Variants in USP15 observed in about 807,000 individuals in gnomAD.
USP15 encodes ubiquitin specific peptidase 15, also known as ubiquitin carboxyl-terminal hydrolase 15.
A neutral mutation model predicts 127.1 loss-of-function variants in USP15; 18 were observed. The ratio of observed to expected loss-of-function variants is 0.14; its 90% CI spans 0.10 to 0.21. The LOEUF is 0.21. Among genes scored for constraint, USP15 ranks in the 10% least tolerant of loss-of-function variants. USP15 has a pLI of 1.00. For missense variants in USP15, 805 were observed against 1,159.9 expected (o/e 0.69, Z 4.44); for synonymous variants, 364 against 393.7 (o/e 0.92, Z 0.89).
Position 62,410,961 on chromosome 12 carries a change from A to G in USP15, c.*6586A>G, listed in dbSNP as rs2068026087. The G allele has an allele frequency of 6.6e-6, 1 of 152,112 alleles. No homozygotes were observed. The highest frequency in any genetic ancestry group is 1.5e-5 in the Non-Finnish European group (1 of 68,026). The allele number at this position is 152,112 out of a possible 1,614,324, so 9.4% of individuals were successfully genotyped here. A position where few individuals can be genotyped will look rare whatever the true frequency, so the allele number is the denominator to read the frequency against. On this transcript the variant is annotated 3_prime_UTR_variant, in exon 22 of 22. Coordinates refer to ENST00000280377, the MANE Select transcript of USP15 (RefSeq NM_001252078.2). ...ATTTTATCAGGGATATTAGAATCCA[A>G]TTATATGAGACTGCATCCTCAACAG...
Position 62,405,680 on chromosome 12 carries a change from C to T in USP15, c.*1305C>T, listed in dbSNP as rs1167624517. On this transcript the variant is annotated 3_prime_UTR_variant, in exon 22 of 22. Transcript: ENST00000280377. ...AAAACCTAAATGCTGGGGCACATTT[C>T]ACATATCGACTACCTGAGAAATTGC... 1 of 152,526 alleles carries T rather than the reference C, an allele frequency of 6.6e-6. No individual in the cohort carries two copies. The highest frequency in any genetic ancestry group is 2.4e-5 in the African/African-American group (1 of 41,432). The allele number at this position is 152,526 out of a possible 1,614,324, so 9.4% of individuals were successfully genotyped here. A position where few individuals can be genotyped will look rare whatever the true frequency, so the allele number is the denominator to read the frequency against.
Position 62,404,342 on chromosome 12 carries a change from T to TA in USP15, c.2914dup (p.Ile972AsnfsTer4). 1 of 1,611,754 alleles carries TA rather than the reference T, an allele frequency of 6.2e-7. No homozygotes were observed. ...AAGATAGCAATGATAATGACAATGA[T>TA]ATAGAAAATGAAAACTGTATGCACA... is the stretch of plus-strand genomic sequence containing the variant. On this transcript the variant is annotated frameshift_variant, in exon 22 of 22. Coordinates refer to ENST00000280377, the MANE Select transcript of USP15 (RefSeq NM_001252078.2). LOFTEE classifies it high-confidence loss of function.
chr12:62,396,573 G>A (rs916315093), intron 20 of USP15, among the ~76,000 whole-genome samples, 175 bp downstream of exon 20: 1 of 151,388 alleles, frequency 6.6e-6, no homozygotes, highest in African/African-American at 2.4e-5. Flanking sequence ...TTTCACATAG[G>A]GTATAGAGAA....
intron 6 of USP15, chr12:62,336,251 T>A: frequency 1.7e-5 from 17 of 985,406 alleles, no homozygotes; most frequent in Non-Finnish European, 1.9e-5. Flanking sequence ...TAGACCACTT[T>A]TCTGAATTCC....
chr12:62,335,495 T>A (rs767400804), intron 6 of USP15: 53 of 1,201,344 alleles, frequency 4.4e-5, no homozygotes, highest in Non-Finnish European at 5.1e-5. Context: ...CCTGTAGTAT[T>A]TATCTCAATG....
chr12:62,322,545 T>G (rs1370905521), intron 5 of USP15, among the ~76,000 whole-genome samples: 1 of 152,210 alleles, frequency 6.6e-6, no homozygotes, highest in African/African-American at 2.4e-5. Flanking sequence ...TGCTCCATTC[T>G]CAGCCCTTAT....
chr12:62,375,218 G>A (rs1022048277), intron 8 of USP15, among the ~76,000 whole-genome samples: 1 of 151,882 alleles, frequency 6.6e-6, no homozygotes, highest in Non-Finnish European at 1.5e-5. Context: ...TTTTCCTTAC[G>A]GATTTATCTT....
chr12:62,283,756 A>AC (rs2063717314), intron 1 of USP15, among the ~76,000 whole-genome samples: 1 of 152,198 alleles, frequency 6.6e-6, no homozygotes, highest in Non-Finnish European at 1.5e-5. Flanking sequence ...CAGCCTGGCT[A>AC]AGATGGCAAA....
intron 6 of USP15, among the ~76,000 whole-genome samples, chr12:62,334,870 T>C (rs898954839): frequency 1.3e-5 from 2 of 152,210 alleles, no homozygotes; most frequent in South Asian, 2.1e-4. Context: ...AAGCAAGTTA[T>C]GTTTTTCTAT....
chr12:62,361,236 T>C (rs893435573), intron 8 of USP15, among the ~76,000 whole-genome samples: 6 of 152,098 alleles, frequency 3.9e-5, no homozygotes, highest in Admixed American at 6.6e-5. Flanking sequence ...CTAATAATGA[T>C]TTGTTATGAA....
chr12:62,268,884 A>G (rs1295974496), intron 1 of USP15, among the ~76,000 whole-genome samples: 1 of 152,082 alleles, frequency 6.6e-6, no homozygotes, highest in Non-Finnish European at 1.5e-5. Flanking sequence ...CCTCATACCC[A>G]TTAATAGTCA....
At chr12:62,387,345 C>T (rs1370281430) in intron 11 of USP15, among the ~76,000 whole-genome samples, 1 of 152,142 alleles carries the variant, frequency 6.6e-6, no homozygotes, top group East Asian at 1.9e-4. Context: ...AATAATTATA[C>T]TAGGATAGCA....
At chr12:62,314,739 T>G in intron 3 of USP15, 51 bp from the exon 4 acceptor site, 1 of 1,401,686 alleles carries the variant, frequency 7.1e-7, no homozygotes, top group Non-Finnish European at 9.4e-7. Flanking sequence ...GTTATTAGAG[T>G]GAAATATATT....
Position 62,408,785 on chromosome 12 carries a change from G to A in USP15, c.*4410G>A, listed in dbSNP as rs909408263. ...TATCATTTTATTATCAGATTTTCTAGTGAGAAATATATATGATGGTTTTTT... is the reference window on the plus strand; with the variant it reads ...TATCATTTTATTATCAGATTTTCTAATGAGAAATATATATGATGGTTTTTT... On this transcript the variant is annotated 3_prime_UTR_variant, in exon 22 of 22. Coordinates refer to ENST00000280377, the MANE Select transcript of USP15 (RefSeq NM_001252078.2). 6.6e-6 allele frequency: 1 copy of A among 151,956 alleles called. No homozygotes were observed. Among genetic ancestry groups the A allele is most frequent in the Non-Finnish European group, 1.5e-5 (1 of 67,980 alleles). The allele number at this position is 151,956 out of a possible 1,614,324, so 9.4% of individuals were successfully genotyped here.
chr12:62,325,972 T>C (rs1479107083), intron 6 of USP15, 39 bp downstream of exon 6: 6 of 1,554,346 alleles, frequency 3.9e-6, no homozygotes, highest in Non-Finnish European at 4.4e-6. Flanking sequence ...TGTATGATTT[T>C]GAAGCCCTTG....
intron 1 of USP15, among the ~76,000 whole-genome samples, chr12:62,270,271 TTAAA>T (rs1276768019): frequency 2.6e-5 from 4 of 152,132 alleles, no homozygotes; most frequent in Non-Finnish European, 5.9e-5. Context: ...AGGTTCCTTA[TTAAA>T]TAGTTAATTT....
chr12:62,365,290 A>G (rs566439303), intron 8 of USP15, among the ~76,000 whole-genome samples: 8 of 152,138 alleles, frequency 5.3e-5, no homozygotes, highest in African/African-American at 7.2e-5. Flanking sequence ...TTTGATTTGC[A>G]TTTCTCTAAT....
At position 62,410,208 on chromosome 12, in the gene USP15, A is replaced by T. The variant is rs2068004853; in HGVS notation, c.*5833A>T. On this transcript the variant is annotated 3_prime_UTR_variant, in exon 22 of 22. Transcript: ENST00000280377. ...TAATCCCATCATGCCTGTTTAACTC[A>T]TTTCCCCAAAAAGACCGCGACCTCC... The T allele has an allele frequency of 6.6e-6, 1 of 152,024 alleles. No individual in the cohort carries two copies. The highest frequency in any genetic ancestry group is 2.4e-5 in the African/African-American group (1 of 41,422). 9.4% of individuals were successfully genotyped at this position (152,024 alleles called of 1,614,324 possible).
At position 62,407,927 on chromosome 12, in the gene USP15, T is replaced by C. The variant is rs575243255; in HGVS notation, c.*3552T>C. Reference sequence around the variant, plus strand: ...AGCCTGGTGCTTTATTTAAATATCTTGCTTTCTCATAATCTGTGTTATTTT... The same window carrying C: ...AGCCTGGTGCTTTATTTAAATATCTCGCTTTCTCATAATCTGTGTTATTTT... On this transcript the variant is annotated 3_prime_UTR_variant, in exon 22 of 22. Coordinates refer to ENST00000280377, the MANE Select transcript of USP15 (RefSeq NM_001252078.2). 6.6e-6 allele frequency: 1 copy of C among 152,314 alleles called. No homozygotes were observed. The highest frequency in any genetic ancestry group is 2.4e-5 in the African/African-American group (1 of 41,580). 9.4% of individuals were successfully genotyped at this position (152,314 alleles called of 1,614,324 possible).
Sources: allele counts gnomAD v4.1 joint callset (sites outside exome capture counted in the v4.1 genomes callset), GRCh38; gene constraint gnomAD v4.1.1; transcripts MANE v1.5; gene names NCBI Gene and HGNC (gene_info 2026-07-23, HGNC 2026-07-21).